NDST4: variants seen among roughly 807,000 people sequenced by gnomAD.
NDST4 encodes N-heparan sulfate sulfotransferase 4.
NDST4 carries 63 observed loss-of-function variants against 100.8 expected under a neutral mutation model. The observed-to-expected ratio is 0.62, with a 90% CI of 0.51 to 0.77. The LOEUF (loss-of-function observed/expected upper bound fraction) is 0.77, where lower values mean the gene tolerates loss of function less well. Among genes scored for constraint, NDST4 ranks in the 30% least tolerant of loss-of-function variants. The pLI is 0.00. For missense variants in NDST4, 943 were observed against 1,018.4 expected (o/e 0.93, Z 1.01); for synonymous variants, 377 against 361.8 (o/e 1.04, Z -0.48).
intron 1 of NDST4, among the ~76,000 whole-genome samples, chr4:115,111,200 T>C (rs564988657): frequency 1.3e-5 from 2 of 152,110 alleles, no homozygotes; most frequent in African/African-American, 4.8e-5. Context: ...ACAACTGTTC[T>C]ACTGGGTTGG....
At chr4:114,873,743 G>A (rs868325397) in intron 6 of NDST4, among the ~76,000 whole-genome samples, 3 of 152,010 alleles carry the variant, frequency 2.0e-5, no homozygotes, top group Non-Finnish European at 2.9e-5. Context: ...TTTATCTCAT[G>A]TCACTACTGT....
chr4:114,898,155 C>A (rs942890329), intron 6 of NDST4, among the ~76,000 whole-genome samples: 1 of 152,072 alleles, frequency 6.6e-6, no homozygotes, highest in African/African-American at 2.4e-5. Flanking sequence ...CGTTTTTAAC[C>A]ATGCTATCTT....
intron 2 of NDST4, among the ~76,000 whole-genome samples, chr4:115,004,810 T>A (rs1727378162): frequency 6.6e-6 from 1 of 152,202 alleles, no homozygotes; most frequent in South Asian, 2.1e-4. Flanking sequence ...GGGTTTTTCC[T>A]AAATTTTTAA....
chr4:115,028,525 A>G (rs1218022454), intron 2 of NDST4, among the ~76,000 whole-genome samples: 1 of 152,022 alleles, frequency 6.6e-6, no homozygotes, highest in African/African-American at 2.4e-5. Flanking sequence ...AGAGGTAGCA[A>G]CAAAATTCCT....
intron 6 of NDST4, among the ~76,000 whole-genome samples, chr4:114,927,462 C>T (rs1449687477): frequency 2.6e-5 from 4 of 151,896 alleles, no homozygotes; most frequent in South Asian, 2.1e-4. Context: ...TAATATTTAT[C>T]CTTATATAAT....
At chr4:114,963,233 G>T (rs1434389519) in intron 4 of NDST4, among the ~76,000 whole-genome samples, 5 of 152,084 alleles carry the variant, frequency 3.3e-5, no homozygotes, top group Non-Finnish European at 2.9e-5. Flanking sequence ...GCCATACAAT[G>T]AGACATTATT....
intron 2 of NDST4, among the ~76,000 whole-genome samples, chr4:115,035,006 A>G (rs997189047): frequency 3.3e-5 from 5 of 152,048 alleles, no homozygotes; most frequent in Non-Finnish European, 7.4e-5. Flanking sequence ...TTCTCCCCCA[A>G]TCAATAAATT....
intron 2 of NDST4, among the ~76,000 whole-genome samples, chr4:115,054,152 TA>T (rs1339294986): frequency 6.6e-6 from 1 of 151,928 alleles, no homozygotes; most frequent in South Asian, 2.1e-4. Context: ...ATAATATACC[TA>T]AAAATGATAC....
rs1379380795 is a variant in NDST4 at position 115,010,358 on chromosome 4, A to G, written c.979-33084T>C. ...ACACCATGGAATACTATGCAGCCATAAAAAAGGATGAGTTCATGTCCTCTG... is the reference window on the plus strand; with the variant it reads ...ACACCATGGAATACTATGCAGCCATGAAAAAGGATGAGTTCATGTCCTCTG... On this transcript the variant is annotated intron_variant, in intron 2 of 13. Transcript: ENST00000264363. 1.6e-5 allele frequency among the ~76,000 whole-genome samples: 2 copies of G among 128,826 alleles called. 1 individual carries two copies. 84.5% of individuals were successfully genotyped at this position (128,826 alleles called of 152,430 possible).
chr4:114,909,345 C>A (rs1270732390), intron 6 of NDST4, among the ~76,000 whole-genome samples: 1 of 152,016 alleles, frequency 6.6e-6, no homozygotes, highest in East Asian at 1.9e-4. Context: ...CTTAAAATCT[C>A]AACTACTGAG....
intron 1 of NDST4, among the ~76,000 whole-genome samples, chr4:115,112,404 A>G (rs977768750): frequency 2.6e-5 from 4 of 151,892 alleles, no homozygotes; most frequent in Admixed American, 1.3e-4. Context: ...GTATCTTGGT[A>G]TGCAATTTAT....
chr4:115,085,408 T>C (rs1476779078), intron 1 of NDST4, among the ~76,000 whole-genome samples: 1 of 152,116 alleles, frequency 6.6e-6, no homozygotes, highest in East Asian at 1.9e-4. Flanking sequence ...AAGGGTAAAA[T>C]GTGAGGACAT....
At chr4:114,869,076 C>A (rs1195291076) in intron 7 of NDST4, among the ~76,000 whole-genome samples, 1 of 151,252 alleles carries the variant, frequency 6.6e-6, no homozygotes, top group Non-Finnish European at 1.5e-5. Flanking sequence ...CTATATTTAA[C>A]AAACATTCAA....
intron 1 of NDST4, among the ~76,000 whole-genome samples, chr4:115,097,087 T>C (rs951834152): frequency 2.6e-5 from 4 of 152,118 alleles, no homozygotes; most frequent in Admixed American, 6.6e-5. Context: ...TCTTAATCCT[T>C]ACCTTCTAAA....
intron 6 of NDST4, among the ~76,000 whole-genome samples, chr4:114,929,687 T>C (rs1007597013): frequency 1.3e-5 from 2 of 152,222 alleles, no homozygotes; most frequent in African/African-American, 4.8e-5. Flanking sequence ...AGACTTACTA[T>C]AGTTTGATTA....
intron 2 of NDST4, among the ~76,000 whole-genome samples, chr4:115,057,372 G>A (rs1458649793): frequency 6.6e-6 from 1 of 151,842 alleles, no homozygotes; most frequent in Non-Finnish European, 1.5e-5. Context: ...GAGAAAATGA[G>A]GGGAGAAAGA....
intron 6 of NDST4, among the ~76,000 whole-genome samples, chr4:114,916,902 T>C (rs977342106): frequency 7.2e-4 from 110 of 152,034 alleles, no homozygotes; most frequent in African/African-American, 2.4e-3. Flanking sequence ...TTTTTTTATT[T>C]CTCTGGAACA....
At chr4:115,083,772 T>C (rs1163202558) in intron 1 of NDST4, among the ~76,000 whole-genome samples, 1 of 152,114 alleles carries the variant, frequency 6.6e-6, no homozygotes, top group East Asian at 1.9e-4. Context: ...TCAGCACTCA[T>C]TCTCTCTCGT....
At chr4:114,964,184 C>A (rs1364978761) in intron 4 of NDST4, among the ~76,000 whole-genome samples, 1 of 152,162 alleles carries the variant, frequency 6.6e-6, no homozygotes, top group Non-Finnish European at 1.5e-5. Context: ...ACAGGGCAGA[C>A]CCAGGCAGCA....
Sources: allele counts gnomAD v4.1 joint callset (sites outside exome capture counted in the v4.1 genomes callset), GRCh38; gene constraint gnomAD v4.1.1; transcripts MANE v1.5; gene names NCBI Gene and HGNC (gene_info 2026-07-23, HGNC 2026-07-21).